Variants in MED16 observed in about 807,000 individuals in gnomAD.
MED16 encodes mediator complex subunit 16, also known as mediator of RNA polymerase II transcription subunit 16.
In MED16, 81 loss-of-function variants were observed where a neutral mutation model predicts 84.4. The observed-to-expected ratio is 0.96, with a 90% CI of 0.80 to 1.15. The LOEUF (loss-of-function observed/expected upper bound fraction) is 1.15. MED16 is among the 50% of genes most tolerant of loss of function. The pLI is 0.00. For missense variants in MED16, 1,585 were observed against 1,245.9 expected, an observed-to-expected ratio of 1.27 and a Z score of -4.10; for synonymous variants, 897 against 552.2, an observed-to-expected ratio of 1.62 and a Z score of -8.76.
chr19:879,734 C>T (rs1484235729), intron 8 of MED16, among the ~76,000 whole-genome samples: 12 of 151,152 alleles, frequency 7.9e-5, no homozygotes, highest in African/African-American at 2.7e-4. Context: ...CCCAGCAGCT[C>T]GCCTTCCCCT....
intron 6 of MED16, among the ~76,000 whole-genome samples, chr19:884,343 G>A (rs369907792): frequency 1.3e-5 from 2 of 152,124 alleles, no homozygotes; most frequent in African/African-American, 4.8e-5. Flanking sequence ...TGACGGGCTT[G>A]GCTCCGTGGG....
At position 877,075 on chromosome 19, in the gene MED16, C is replaced by T. The variant is rs1466820536; in HGVS notation, c.1459G>A (p.Asp487Asn). ...LLEYCMVTGYDWWDILLHVQP... is the reference protein window; with the variant it reads ...LLEYCMVTGYNWWDILLHVQP... ...ACGTGCAGCAGGATGTCCCACCAGT[C>T]GTAGCCGGTCACCATGCAGTACTCC... The change falls in exon 9 of 16, where the codon GAC (aspartate) becomes AAC (asparagine). Residue 487 changes from aspartate (D) to asparagine (N), a missense_variant. By Grantham distance (23) the Asp-to-Asn change is conservative. Coordinates refer to ENST00000325464, the MANE Select transcript of MED16 (RefSeq NM_005481.3). The T allele has an allele frequency of 2.5e-6, 4 of 1,612,762 alleles. No homozygotes were observed. Among genetic ancestry groups the T allele is most frequent in the South Asian group, 1.1e-5 (1 of 91,088 alleles).
intron 10 of MED16, 108 bp from the exon 11 acceptor site, chr19:873,690 G>C: frequency 7.8e-7 from 1 of 1,275,810 alleles, no homozygotes; most frequent in Non-Finnish European, 1.1e-6. Flanking sequence ...CCAGTACCAG[G>C]ACACAAGGGG....
intron 12 of MED16, 74 bp from the exon 13 acceptor site, chr19:871,327 G>A (rs1024375936): frequency 1.0e-5 from 15 of 1,439,094 alleles, no homozygotes; most frequent in East Asian, 2.5e-5. Context: ...CGTGCTGGGA[G>A]CCCCTCCAGT....
chr19:877,661 C>A (rs2036284768), intron 8 of MED16, among the ~76,000 whole-genome samples: 1 of 140,880 alleles, frequency 7.1e-6, no homozygotes, highest in African/African-American at 2.9e-5. Flanking sequence ...GCCCCAGCCC[C>A]AGACCCACGT....
At chr19:874,436 G>C (rs1383005807) in intron 10 of MED16, among the ~76,000 whole-genome samples, 1 of 152,160 alleles carries the variant, frequency 6.6e-6, no homozygotes, top group Non-Finnish European at 1.5e-5. Context: ...GAAACAGCCT[G>C]CCAGGCACAG....
At chr19:882,088 C>G (rs2036432058) in intron 6 of MED16, among the ~76,000 whole-genome samples, 1 of 152,248 alleles carries the variant, frequency 6.6e-6, no homozygotes, top group Non-Finnish European at 1.5e-5. Flanking sequence ...CCCTCCTCAT[C>G]TACAATTCCA....
chr19:885,776 C>T lies in MED16; in HGVS notation c.873G>A (p.Ser291=), dbSNP rs372613097. The change falls in exon 5 of 16, where the codon TCG becomes TCA. Residue 291 remains serine (S), a synonymous_variant. Coordinates refer to ENST00000325464, the MANE Select transcript of MED16 (RefSeq NM_005481.3). ...ATGGCCTGCGCCCGTTCACCTGCTC[C>T]GACATGTCCCGGGCCAGGAACTTGA... ...THLKFLARDM[S]EQVLLCASSQ... is the part of the protein sequence containing the mutation. 8.1e-6 allele frequency: 13 copies of T among 1,607,516 alleles called. No homozygotes were observed. The highest frequency in any genetic ancestry group is 2.7e-5 in the African/African-American group (2 of 74,910).
intron 5 of MED16, 68 bp from the exon 6 acceptor site, chr19:885,076 G>C: frequency 8.0e-7 from 1 of 1,250,210 alleles, no homozygotes; most frequent in South Asian, 1.3e-5. Flanking sequence ...ACCGGAGCCT[G>C]AGCTGCGGGA....
chr19:873,361 G>A, intron 11 of MED16, 88 bp downstream of exon 11: 1 of 1,332,588 alleles, frequency 7.5e-7, no homozygotes, highest in South Asian at 1.3e-5. Flanking sequence ...GGCTGAGGTG[G>A]TTTTGAGGGG....
rs200435606 is a variant in MED16 at position 868,258 on chromosome 19, G to A, written c.2484-7C>T. ...CCCACGGCCTTCAACAGCCCTGCAGGGCGGGCTGAGGTTAACCGCGCCGAG... is the reference window on the plus strand; with the variant it reads ...CCCACGGCCTTCAACAGCCCTGCAGAGCGGGCTGAGGTTAACCGCGCCGAG... On this transcript the variant is annotated splice_polypyrimidine_tract_variant and splice_region_variant and intron_variant, in intron 15 of 15. Transcript: ENST00000325464. 405 of 1,592,288 alleles carry A rather than the reference G, an allele frequency of 2.5e-4. 3 individuals are homozygous for A. In the African/African-American group the frequency reaches 4.7e-3, roughly 18 times the overall value.
chr19:869,332 C>T (rs961234620), intron 13 of MED16, among the ~76,000 whole-genome samples: 7 of 151,930 alleles, frequency 4.6e-5, no homozygotes, highest in Non-Finnish European at 1.0e-4. Flanking sequence ...GGGACTTCCA[C>T]ACCACCTCTG....
intron 4 of MED16, among the ~76,000 whole-genome samples, chr19:888,262 C>G (rs1382979200): frequency 6.6e-6 from 1 of 151,736 alleles, no homozygotes; most frequent in Non-Finnish European, 1.5e-5. Flanking sequence ...TGGCTCACAC[C>G]TCTAATCCCA....
At position 871,534 on chromosome 19, in the gene MED16, G is replaced by A. The variant is rs915665352; in HGVS notation, c.2099-281C>T. On this transcript the variant is annotated intron_variant, in intron 12 of 15. Transcript: ENST00000325464. ...AGCACTGTGCCTTTTCCAGACACTGGGATGTAAGAATGACACAGCTCACCC... is the reference window on the plus strand; with the variant it reads ...AGCACTGTGCCTTTTCCAGACACTGAGATGTAAGAATGACACAGCTCACCC... The A allele has an allele frequency of 2.5e-5, 40 of 1,574,964 alleles. No homozygotes were observed. In the Admixed American group the frequency reaches 3.8e-4, roughly 15 times the overall value.
chr19:874,679 A>AC (rs1448907341), intron 10 of MED16, among the ~76,000 whole-genome samples: 1 of 152,126 alleles, frequency 6.6e-6, no homozygotes, highest in Non-Finnish European at 1.5e-5. Flanking sequence ...GGTGGTCAAG[A>AC]CCAGCCTGGG....
At position 871,064 on chromosome 19, in the gene MED16, G is replaced by A. The variant is rs774377494; in HGVS notation, c.2288C>T (p.Ala763Val). 9.1e-6 allele frequency: 14 copies of A among 1,545,258 alleles called. 1 individual carries two copies. The highest frequency in any genetic ancestry group is 1.2e-5 in the Non-Finnish European group (14 of 1,143,802). The change falls in exon 13 of 16, where the codon GCC (alanine) becomes GTC (valine). Residue 763 changes from alanine (A) to valine (V), a missense_variant. Transcript: ENST00000325464. ...GGCGAGGCCGTCGAGCTGCAGGGTGGCAGCACTGCCAGGCAGCGTGGGCGC... is the reference window on the plus strand; with the variant it reads ...GGCGAGGCCGTCGAGCTGCAGGGTGACAGCACTGCCAGGCAGCGTGGGCGC... The part of the protein sequence containing the change: ...GRAPTLPGSA[A>V]TLQLDGLARA...
chr19:872,544 C>T (rs952223835), intron 11 of MED16, among the ~76,000 whole-genome samples: 1 of 151,302 alleles, frequency 6.6e-6, no homozygotes, highest in East Asian at 2.0e-4. Flanking sequence ...AGAGGGACTT[C>T]AAACCGTCCG....
At chr19:888,306 G>C (rs753371301) in intron 4 of MED16, among the ~76,000 whole-genome samples, 16 of 152,056 alleles carry the variant, frequency 1.1e-4, no homozygotes, top group Non-Finnish European at 2.2e-4. Flanking sequence ...CGGATCACCT[G>C]AGGTGAGAAG....
At chr19:892,541 T>G (rs1036898618) in intron 1 of MED16, 13 of 146,878 alleles carry the variant, frequency 8.9e-5, no homozygotes, top group African/African-American at 3.3e-4. Context: ...CATAGCCTCT[T>G]CAGGCCCCGC....
Sources: gnomAD v4.1 joint callset for allele counts (sites outside exome capture counted in the v4.1 genomes callset) on GRCh38, gnomAD v4.1.1 for gene constraint, MANE v1.5 for transcripts, NCBI Gene and HGNC (gene_info 2026-07-23, HGNC 2026-07-21) for gene names.